PRKAR1A: variants seen among roughly 807,000 people sequenced by gnomAD.
PRKAR1A encodes cAMP-dependent protein kinase type I-alpha regulatory subunit.
Under a neutral mutation model 52.0 loss-of-function variants are expected in PRKAR1A, and 3 were observed. The ratio of observed to expected loss-of-function variants is 0.06; its 90% CI spans 0.03 to 0.15. The LOEUF is 0.15. Among genes scored for constraint, PRKAR1A ranks in the 10% least tolerant of loss-of-function variants. The pLI is 1.00. For missense variants in PRKAR1A, 240 were observed against 477.4 expected, an observed-to-expected ratio of 0.50 and a Z score of 4.63; for synonymous variants, 188 against 168.4, an observed-to-expected ratio of 1.12 and a Z score of -0.90.
At chr17:68,460,802 G>A in the PRKAR1A span, among the ~76,000 whole-genome samples, 1 of 152,164 alleles carries the variant, frequency 6.6e-6, no homozygotes, top group African/African-American at 2.4e-5. Context: ...GTGGAGGGCT[G>A]GTTTGTGATT....
intron 6 of PRKAR1A, among the ~76,000 whole-genome samples, chr17:68,525,192 GATGCCT>G (rs746070928): frequency 2.6e-5 from 4 of 151,294 alleles, no homozygotes; most frequent in Non-Finnish European, 5.9e-5. Flanking sequence ...TGCAGTGGCC[GATGCCT>G]ATAATCCCAG....
At chr17:68,540,514 G>A (rs1159590030) in intron 11 of PRKAR1A, 1 of 482,710 alleles carries the variant, frequency 2.1e-6, no homozygotes, top group Non-Finnish European at 4.1e-6. Context: ...GGCCCTCCCT[G>A]CTACATATTT....
chr17:68,530,106 TA>T, intron 10 of PRKAR1A, 105 bp downstream of exon 10: 1 of 1,492,504 alleles, frequency 6.7e-7, no homozygotes, highest in Non-Finnish European at 9.3e-7. Context: ...TTTTATTTTC[TA>T]ACTGCAGTCT....
chr17:68,421,963 GC>G, the PRKAR1A span: 2 of 933,608 alleles, frequency 2.1e-6, no homozygotes, highest in Non-Finnish European at 3.4e-6. Flanking sequence ...CTCGCTCATG[GC>G]CACAGAATGG....
chr17:68,480,259 G>T, the PRKAR1A span, among the ~76,000 whole-genome samples: 6 of 152,132 alleles, frequency 3.9e-5, no homozygotes, highest in African/African-American at 1.4e-4. Context: ...ATAATTTAAA[G>T]TTTTGAGCAT....
At chr17:68,546,829 CAA>C (rs35112614) in intron 11 of PRKAR1A, among the ~76,000 whole-genome samples, 53 of 83,980 alleles carry the variant, frequency 6.3e-4, no homozygotes, top group East Asian at 2.8e-3. Flanking sequence ...GACTACGGCT[CAA>C]AAAAAAAAAA....
the PRKAR1A span, among the ~76,000 whole-genome samples, chr17:68,439,732 C>G: frequency 6.6e-6 from 1 of 152,308 alleles, no homozygotes; most frequent in East Asian, 1.9e-4. Flanking sequence ...CTGAGGTCTG[C>G]TATGTACTGT....
chr17:68,512,954 C>G, intron 1 of PRKAR1A: 1 of 152,514 alleles, frequency 6.6e-6, no homozygotes, highest in East Asian at 1.9e-4. Flanking sequence ...TCTCGTCCGC[C>G]GGTCCTGGCT....
intron 11 of PRKAR1A, among the ~76,000 whole-genome samples, chr17:68,545,838 A>G (rs2086528939): frequency 6.6e-6 from 1 of 152,218 alleles, no homozygotes; most frequent in African/African-American, 2.4e-5. Flanking sequence ...AGTAGATTCT[A>G]TCTCAAGAAA....
chr17:68,447,984 C>CAAAAAAAAAAAAAAAAAAAAAAAAAA, the PRKAR1A span, among the ~76,000 whole-genome samples: 1 of 80,284 alleles, frequency 1.2e-5, no homozygotes, highest in Non-Finnish European at 2.5e-5. Context: ...GACTCTATCT[C>CAAAAAAAAAAAAAAAAAAAAAAAAAA]AAAAAAAAAA....
Position 68,540,858 on chromosome 17 carries a change from A to G in PRKAR1A, c.974-10226A>G. ...GCGTGTGGGGACCTACCTATCAAGA[A>G]GTCGAAGATGGCCATGTCGATGACA... is the stretch of plus-strand genomic sequence containing the variant. On this transcript the variant is annotated intron_variant, in intron 11 of 11. Transcript: ENST00000585981. 4 of 1,600,388 alleles carry G rather than the reference A, an allele frequency of 2.5e-6. No individual in the cohort carries two copies. Among genetic ancestry groups the G allele is most frequent in the Non-Finnish European group, 3.4e-6 (4 of 1,173,140 alleles).
At chr17:68,433,760 GTTTTTTTTTTT>G in the PRKAR1A span, among the ~76,000 whole-genome samples, 68 of 72,818 alleles carry the variant, frequency 9.3e-4, 1 homozygote, top group East Asian at 6.0e-3. Flanking sequence ...AAGGGTCATA[GTTTTTTTTTTT>G]TTTTTTTTTT....
the PRKAR1A span, among the ~76,000 whole-genome samples, chr17:68,452,396 C>A: frequency 6.6e-6 from 1 of 152,184 alleles, no homozygotes; most frequent in East Asian, 1.9e-4. Flanking sequence ...GAAACCCCGT[C>A]TCTACTAAAA....
At chr17:68,517,588 G>C (rs1417928562) in intron 2 of PRKAR1A, among the ~76,000 whole-genome samples, 1 of 152,164 alleles carries the variant, frequency 6.6e-6, no homozygotes, top group African/African-American at 2.4e-5. Flanking sequence ...AACAGCATGA[G>C]GGTAACCCCC....
chr17:68,482,008 A>G, the PRKAR1A span, among the ~76,000 whole-genome samples: 1 of 152,220 alleles, frequency 6.6e-6, no homozygotes, highest in Non-Finnish European at 1.5e-5. Context: ...AGTGGGTGGA[A>G]CCAGAGACAG....
the PRKAR1A span, among the ~76,000 whole-genome samples, chr17:68,442,544 G>A: frequency 6.6e-6 from 1 of 152,018 alleles, no homozygotes; most frequent in African/African-American, 2.4e-5. Flanking sequence ...TCCTCTGGGG[G>A]TCAAGTGTGC....
chr17:68,501,301 C>T, the PRKAR1A span, among the ~76,000 whole-genome samples: 121 of 152,316 alleles, frequency 7.9e-4, no homozygotes, highest in Non-Finnish European at 1.4e-3. Flanking sequence ...GGCTCCCTTC[C>T]TCCCTTTAAC....
the PRKAR1A span, among the ~76,000 whole-genome samples, chr17:68,434,923 C>T: frequency 4.9e-4 from 74 of 152,140 alleles, no homozygotes; most frequent in Non-Finnish European, 5.6e-4. Flanking sequence ...AATTTGAGGC[C>T]GGGTGTGGTG....
intron 7 of PRKAR1A, 46 bp from the exon 8 acceptor site, chr17:68,527,794 T>C (rs572303209): frequency 1.4e-6 from 2 of 1,436,746 alleles, no homozygotes; most frequent in South Asian, 1.1e-5. Flanking sequence ...TATGTGGTGA[T>C]AATTACACGT....
Sources: gnomAD v4.1 joint callset for allele counts (sites outside exome capture counted in the v4.1 genomes callset) on GRCh38, gnomAD v4.1.1 for gene constraint, MANE v1.5 for transcripts, NCBI Gene and HGNC (gene_info 2026-07-23, HGNC 2026-07-21) for gene names.